The following PLCL2 variants were observed in gnomAD, a reference collection of about 807,000 sequenced individuals.
PLCL2 encodes inactive phospholipase C-like protein 2.
Under a neutral mutation model 79.6 loss-of-function variants are expected in PLCL2, and 4 were observed. The observed-to-expected ratio is 0.05, with a 90% CI of 0.02 to 0.11. The LOEUF (loss-of-function observed/expected upper bound fraction) is 0.11. PLCL2 is among the 10% of genes least tolerant of loss of function. PLCL2 has a pLI of 1.00. For missense variants in PLCL2, 895 were observed against 1,291.0 expected (o/e 0.69, Z 4.70); for synonymous variants, 484 against 457.7 (o/e 1.06, Z -0.73).
chr3:17,068,107 T>A, intron 5 of PLCL2, 42 bp downstream of exon 5: 2 of 1,034,874 alleles, frequency 1.9e-6, no homozygotes, highest in Non-Finnish European at 3.0e-6. Context: ...TTTTGCAGCC[T>A]CTTTCAGCAT....
In PLCL2 at chr3:16,886,326, T is replaced by C. The variant is rs1042754373; in HGVS notation, c.327+960T>C. 2.0e-5 allele frequency among the ~76,000 whole-genome samples: 3 copies of C among 152,186 alleles called. No homozygotes were observed. Among genetic ancestry groups the C allele is most frequent in the Non-Finnish European group, 4.4e-5 (3 of 68,036 alleles). ...TTGCTTTCTGAAAATCAAGGAGTTATCAGGACAGGGAGCAGCAAAGCAAAT... is the reference window on the plus strand; with the variant it reads ...TTGCTTTCTGAAAATCAAGGAGTTACCAGGACAGGGAGCAGCAAAGCAAAT... On this transcript the variant is annotated intron_variant, in intron 1 of 5. Transcript: ENST00000615277. The surrounding 1 kb of genome is among the most constrained non-coding windows in gnomAD (Gnocchi z 4.2).
At chr3:17,057,465 G>T (rs887119947) in intron 4 of PLCL2, among the ~76,000 whole-genome samples, 13 of 152,168 alleles carry the variant, frequency 8.5e-5, no homozygotes, top group African/African-American at 3.1e-4. Flanking sequence ...GAATGTGAAT[G>T]CCTGAAGTAT....
intron 1 of PLCL2, among the ~76,000 whole-genome samples, chr3:16,935,544 A>G (rs1697518817): frequency 2.0e-5 from 3 of 152,170 alleles, no homozygotes; most frequent in Admixed American, 1.3e-4. Context: ...GAATTTTCGG[A>G]TATGTGTTGT....
chr3:17,007,310 G>A (rs73153244), intron 1 of PLCL2, among the ~76,000 whole-genome samples: 3,635 of 152,134 alleles, frequency 0.024, 132 homozygotes, highest in African/African-American at 0.079. Flanking sequence ...AACTAAAGAC[G>A]TCATTCTGAA....
At chr3:16,933,497 C>G (rs978106691) in intron 1 of PLCL2, among the ~76,000 whole-genome samples, 7 of 152,174 alleles carry the variant, frequency 4.6e-5, no homozygotes, top group African/African-American at 1.4e-4. Context: ...TTTGACTTCA[C>G]CCACTCAGTT....
chr3:17,033,767 A>T (rs1378323692), intron 3 of PLCL2, among the ~76,000 whole-genome samples: 1 of 152,218 alleles, frequency 6.6e-6, no homozygotes, highest in Non-Finnish European at 1.5e-5. Context: ...TTCCACCAGC[A>T]ACCTTCAGGT....
intron 5 of PLCL2, among the ~76,000 whole-genome samples, chr3:17,076,682 T>A (rs368964536): frequency 1.3e-5 from 2 of 152,250 alleles, no homozygotes; most frequent in South Asian, 4.1e-4. Flanking sequence ...TGTACGTTTT[T>A]TGTAGAGACT....
chr3:17,033,566 C>T (rs1254316854), intron 3 of PLCL2, among the ~76,000 whole-genome samples: 1 of 152,170 alleles, frequency 6.6e-6, no homozygotes, highest in Non-Finnish European at 1.5e-5. Context: ...TTTGCATTTG[C>T]GTGTGCACAA....
At chr3:17,006,949 T>C (rs970669600) in intron 1 of PLCL2, among the ~76,000 whole-genome samples, 2 of 152,232 alleles carry the variant, frequency 1.3e-5, no homozygotes, top group South Asian at 4.1e-4. Flanking sequence ...TGTAACAGAA[T>C]ATTAATCAGC....
chr3:16,977,932 C>G (rs922502930), intron 1 of PLCL2, among the ~76,000 whole-genome samples: 5 of 152,198 alleles, frequency 3.3e-5, no homozygotes, highest in African/African-American at 9.7e-5. Flanking sequence ...AAGGGACAAA[C>G]AAAGTCCTTC....
At chr3:16,985,372 G>A (rs1553641516) in intron 1 of PLCL2, among the ~76,000 whole-genome samples, 1 of 152,012 alleles carries the variant, frequency 6.6e-6, no homozygotes, top group Non-Finnish European at 1.5e-5. Flanking sequence ...TTGAATTGAA[G>A]TAAACTAAAG....
chr3:16,911,867 C>A (rs1273336971), intron 1 of PLCL2, among the ~76,000 whole-genome samples: 1 of 152,176 alleles, frequency 6.6e-6, no homozygotes, highest in East Asian at 1.9e-4. Flanking sequence ...AAATTCCATA[C>A]CCTAACAGCA....
At position 16,886,760 on chromosome 3, in the gene PLCL2, A is replaced by G. The variant is rs1324907937; in HGVS notation, c.327+1394A>G. 1.3e-5 allele frequency among the ~76,000 whole-genome samples: 2 copies of G among 152,222 alleles called. No individual in the cohort carries two copies. Among genetic ancestry groups the G allele is most frequent in the Admixed American group, 6.5e-5 (1 of 15,282 alleles). ...CTTTTACTCTGTAGCTTATGTTTCC[A>G]TGGAAGTTGCTTTCAACTGTGCATG... On this transcript the variant is annotated intron_variant, in intron 1 of 5. Transcript: ENST00000615277. This position sits in a 1 kb window ranked among gnomAD's most constrained non-coding sequence, Gnocchi z 4.2.
chr3:16,899,776 G>A (rs925033590), intron 1 of PLCL2, among the ~76,000 whole-genome samples: 4 of 151,992 alleles, frequency 2.6e-5, no homozygotes, highest in Middle Eastern at 3.4e-3. Flanking sequence ...ATTTATGTGA[G>A]AAAGATCTGT....
At chr3:16,996,163 T>A (rs913907913) in intron 1 of PLCL2, among the ~76,000 whole-genome samples, 1 of 152,104 alleles carries the variant, frequency 6.6e-6, no homozygotes, top group African/African-American at 2.4e-5. Flanking sequence ...TTTTGAGGAA[T>A]AGAAAGAAGC....
At chr3:17,088,442 G>T (rs549801146) in intron 5 of PLCL2, among the ~76,000 whole-genome samples, 8 of 152,236 alleles carry the variant, frequency 5.3e-5, no homozygotes, top group African/African-American at 1.9e-4. Context: ...GGAAAAAATA[G>T]CAAGCAAGGA....
chr3:17,025,066 A>C (rs2064500114), intron 3 of PLCL2, among the ~76,000 whole-genome samples: 1 of 152,144 alleles, frequency 6.6e-6, no homozygotes, highest in African/African-American at 2.4e-5. Context: ...TAGTTGTCCT[A>C]ATGGTGGCAA....
rs544015622 is a variant in PLCL2, at chr3:16,976,957, T to C, written c.328-32717T>C. 1.3e-4 allele frequency among the ~76,000 whole-genome samples: 20 copies of C among 152,260 alleles called. No homozygotes were observed. The East Asian group carries it at 2.3e-3, about 18-fold the overall frequency. On this transcript the variant is annotated intron_variant, in intron 1 of 5. Transcript: ENST00000615277. ...CCCATCTAAATACATGAAAACACCT[T>C]AAGGATAGAATCCACATCTGTTCAT...
At chr3:17,045,186 T>C (rs35319117) in intron 4 of PLCL2, among the ~76,000 whole-genome samples, 90,110 of 152,078 alleles carry the variant, frequency 0.59, 27,158 homozygotes, top group African/African-American at 0.7. Flanking sequence ...TTACTTTTGA[T>C]AAGTAATTGT....
Sources: allele counts gnomAD v4.1 joint callset (sites outside exome capture counted in the v4.1 genomes callset), GRCh38; gene constraint gnomAD v4.1.1; non-coding constraint Gnocchi (gnomAD v3.1); transcripts MANE v1.5; gene names NCBI Gene and HGNC (gene_info 2026-07-23, HGNC 2026-07-21).